The following EXOSC2 variants were observed in gnomAD, a reference collection of about 807,000 sequenced individuals.
EXOSC2 encodes the protein exosome complex component RRP4.
In EXOSC2, 29 loss-of-function variants were observed where a neutral mutation model predicts 37.6. The ratio of observed to expected loss-of-function variants is 0.77; its 90% CI spans 0.57 to 1.05. The LOEUF (loss-of-function observed/expected upper bound fraction) is 1.05. Among genes scored for constraint, EXOSC2 ranks in the 50% least tolerant of loss-of-function variants. The pLI is 0.00. For missense variants in EXOSC2, 346 were observed against 365.6 expected, an observed-to-expected ratio of 0.95 and a Z score of 0.44; for synonymous variants, 119 against 131.1, an observed-to-expected ratio of 0.91 and a Z score of 0.63.
rs192458769 is a variant in EXOSC2 at position 130,698,074 on chromosome 9, G to A, written c.271-88G>A. On this transcript the variant is annotated intron_variant, in intron 3 of 8. Coordinates refer to ENST00000372358, the MANE Select transcript of EXOSC2 (RefSeq NM_014285.7). This position sits in a 1 kb window ranked among gnomAD's most constrained non-coding sequence, Gnocchi z 4.1. ...CTCCCAAAGTGCTGGGATTACAGGC[G>A]TGAGCCACCACATCTGGCCTTACTG... 129 of 1,291,674 alleles carry A rather than the reference G, an allele frequency of 1.0e-4. No homozygotes were observed. Among genetic ancestry groups the A allele is most frequent in the African/African-American group, 2.2e-4 (15 of 68,868 alleles). The allele number at this position is 1,291,674 out of a possible 1,614,324, so 80.0% of individuals were successfully genotyped here.
intron 6 of EXOSC2, 189 bp from the exon 7 acceptor site, chr9:130,701,944 TG>T (rs1470929733): frequency 7.1e-7 from 1 of 1,405,180 alleles, no homozygotes; most frequent in Non-Finnish European, 9.2e-7. Flanking sequence ...TCTGCTGGGA[TG>T]TATGAATAGC....
At chr9:130,693,936 C>G (rs1831036727) in intron 1 of EXOSC2, 23 bp downstream of exon 1, 1 of 1,578,354 alleles carries the variant, frequency 6.3e-7, no homozygotes, top group Non-Finnish European at 8.7e-7. Context: ...TTGGGGGAGT[C>G]GAGGCTTCAG....
chr9:130,699,426 T>G (rs1302287860), intron 5 of EXOSC2, 32 bp downstream of exon 5: 2 of 1,602,992 alleles, frequency 1.2e-6, no homozygotes, highest in Non-Finnish European at 1.7e-6. Flanking sequence ...AGCCTCTTGA[T>G]GCTTTTCTGT....
At chr9:130,699,443 G>C in intron 5 of EXOSC2, 49 bp downstream of exon 5, 1 of 1,544,778 alleles carries the variant, frequency 6.5e-7, no homozygotes, top group Non-Finnish European at 9.0e-7. Context: ...CTGTGGGACT[G>C]GGAAATGGGC....
At chr9:130,701,664 C>G (rs932526434) in intron 6 of EXOSC2, 40 of 952,322 alleles carry the variant, frequency 4.2e-5, no homozygotes, top group Middle Eastern at 5.4e-4. Context: ...TGGACTTGAG[C>G]TGTCCTGCCA....
Position 130,698,142 on chromosome 9 carries a change from G to T in EXOSC2, c.271-20G>T. On this transcript the variant is annotated intron_variant, in intron 3 of 8. Transcript: ENST00000372358. The surrounding 1 kb of genome is among the most constrained non-coding windows in gnomAD (Gnocchi z 4.1). The stretch of plus-strand genomic sequence containing the variant: ...ACATGAACATGGAGCATGTGTCCAG[G>T]TGTGGAACTTGGCTTATAGGTTCAA... 6.2e-7 allele frequency: 1 copy of T among 1,608,284 alleles called. No individual in the cohort carries two copies. Among genetic ancestry groups the T allele is most frequent in the Non-Finnish European group, 8.5e-7 (1 of 1,174,738 alleles).
chr9:130,702,994 C>G lies in EXOSC2; in HGVS notation c.673-59C>G. The G allele has an allele frequency of 1.9e-6, 3 of 1,566,484 alleles. 1 individual carries two copies. Among genetic ancestry groups the G allele is most frequent in the Middle Eastern group, 1.7e-4 (1 of 5,906 alleles). On this transcript the variant is annotated intron_variant, in intron 7 of 8. Coordinates refer to ENST00000372358, the MANE Select transcript of EXOSC2 (RefSeq NM_014285.7). ...ATGATTTATTTGTGAATTTCTGTGGCTGGTCACGTATTTTGGTCCTGTTTG... is the reference window on the plus strand; with the variant it reads ...ATGATTTATTTGTGAATTTCTGTGGGTGGTCACGTATTTTGGTCCTGTTTG...
intron 5 of EXOSC2, among the ~76,000 whole-genome samples, chr9:130,700,171 C>T (rs1031656002): frequency 5.9e-5 from 9 of 151,438 alleles, no homozygotes; most frequent in Admixed American, 4.0e-4. Flanking sequence ...TACCGGCGTG[C>T]GTCATGCCTG....
At position 130,694,934 on chromosome 9, in the gene EXOSC2, C is replaced by T. The variant is rs1037862935; in HGVS notation, c.123-558C>T. Among the ~76,000 whole-genome samples, 2 of 151,608 alleles carry T rather than the reference C, an allele frequency of 1.3e-5. No homozygotes were observed. The highest frequency in any genetic ancestry group is 1.3e-4 in the Admixed American group (2 of 15,224). On this transcript the variant is annotated intron_variant, in intron 1 of 8. Transcript: ENST00000372358. This position sits in a 1 kb window ranked among gnomAD's most constrained non-coding sequence, Gnocchi z 4.0. ...CTGTGTTGGCCAGGCTGGTCTCGAT[C>T]CCCTGACCTCAAGTGTGATCTGCCC...
intron 2 of EXOSC2, among the ~76,000 whole-genome samples, chr9:130,696,273 G>T (rs566364987): frequency 6.6e-6 from 1 of 152,380 alleles, no homozygotes; most frequent in Non-Finnish European, 1.5e-5. Flanking sequence ...AGCCAGTGGG[G>T]TTGGAACAGA....
intron 5 of EXOSC2, chr9:130,699,708 A>G (rs893376145): frequency 3.5e-5 from 11 of 311,788 alleles, no homozygotes; most frequent in Admixed American, 1.8e-4. Flanking sequence ...TCACGTCAAG[A>G]TATTAATGAC....
At chr9:130,700,969 CTG>C in intron 6 of EXOSC2, 34 bp downstream of exon 6, 1 of 1,606,166 alleles carries the variant, frequency 6.2e-7, no homozygotes, top group Non-Finnish European at 8.5e-7. Context: ...TGTTTGCTGA[CTG>C]AGACTACAAG....
At position 130,704,548 on chromosome 9, in the gene EXOSC2, G is replaced by C. The variant is rs564235845; in HGVS notation, c.*774G>C. 1.3e-5 allele frequency: 2 copies of C among 151,830 alleles called. No homozygotes were observed. The highest frequency in any genetic ancestry group is 3.9e-4 in the East Asian group (2 of 5,156). The allele number at this position is 151,830 out of a possible 1,614,324, so 9.4% of individuals were successfully genotyped here. ...GTGTTTCAAAGAAAAAAAAAAACAA[G>C]CAGCCTTTTGCTTGGTTGGAATCTG... is the stretch of plus-strand genomic sequence containing the variant. On this transcript the variant is annotated 3_prime_UTR_variant, in exon 9 of 9. Coordinates refer to ENST00000372358, the MANE Select transcript of EXOSC2 (RefSeq NM_014285.7).
Position 130,697,991 on chromosome 9 carries a change from A to C in EXOSC2, c.271-171A>C, listed in dbSNP as rs1055705970. On this transcript the variant is annotated intron_variant, in intron 3 of 8. Transcript: ENST00000372358. Reference sequence around the variant, plus strand: ...GTATTTTTAGTAGAGATGGGGTTTCATTATATTGGTCAGGCTGGTCTCAAA... The same window carrying C: ...GTATTTTTAGTAGAGATGGGGTTTCCTTATATTGGTCAGGCTGGTCTCAAA... 2 of 599,142 alleles carry C rather than the reference A, an allele frequency of 3.3e-6. 1 individual carries two copies. The highest frequency in any genetic ancestry group is 5.8e-5 in the Admixed American group (2 of 34,324). The allele number at this position is 599,142 out of a possible 1,614,324, so 37.1% of individuals were successfully genotyped here. A position where few individuals can be genotyped will look rare whatever the true frequency, so the allele number is the denominator to read the frequency against.
At position 130,699,191 on chromosome 9, in the gene EXOSC2, G is replaced by T; in HGVS notation, c.361-138G>T. ...CACTGATTCCCCTCAAGTGGCTTGG[G>T]TTACCTACTCTTGCTATAGTTCTCA... On this transcript the variant is annotated intron_variant, in intron 4 of 8. Transcript: ENST00000372358. 3.5e-6 allele frequency: 3 copies of T among 846,950 alleles called. 1 individual carries two copies. In the Middle Eastern group the frequency reaches 6.9e-4, roughly 194 times the overall value. The allele number at this position is 846,950 out of a possible 1,614,324, so 52.5% of individuals were successfully genotyped here.
intron 6 of EXOSC2, 179 bp from the exon 7 acceptor site, chr9:130,701,955 C>A: frequency 7.1e-7 from 1 of 1,414,786 alleles, no homozygotes; most frequent in Non-Finnish European, 9.2e-7. Flanking sequence ...GTATGAATAG[C>A]CTCTGAGTCC....
rs575431604 is a variant in EXOSC2 at position 130,704,133 on chromosome 9, A to G, written c.*359A>G. On this transcript the variant is annotated 3_prime_UTR_variant, in exon 9 of 9. Coordinates refer to ENST00000372358, the MANE Select transcript of EXOSC2 (RefSeq NM_014285.7). ...CACAGTGCCCCATGAAATTGCCCCAATAGAAAACATGGCATCCCTGACCTC... is the reference window on the plus strand; with the variant it reads ...CACAGTGCCCCATGAAATTGCCCCAGTAGAAAACATGGCATCCCTGACCTC... The G allele has an allele frequency of 2.7e-4, 45 of 167,936 alleles. No individual in the cohort carries two copies. The Middle Eastern group carries it at 0.011, about 39-fold the overall frequency. The allele number at this position is 167,936 out of a possible 1,614,324, so 10.4% of individuals were successfully genotyped here. A position where few individuals can be genotyped will look rare whatever the true frequency, so the allele number is the denominator to read the frequency against.
Position 130,697,583 on chromosome 9 carries a change from T to C in EXOSC2, c.226T>C (p.Tyr76His). 1.2e-6 allele frequency: 2 copies of C among 1,614,094 alleles called. No homozygotes were observed. The highest frequency in any genetic ancestry group is 1.7e-6 in the Non-Finnish European group (2 of 1,179,914). The change falls in exon 3 of 9, where the codon TAC (tyrosine) becomes CAC (histidine). Residue 76 changes from tyrosine to histidine, a missense_variant and splice_region_variant. Coordinates refer to ENST00000372358, the MANE Select transcript of EXOSC2 (RefSeq NM_014285.7). Reference protein sequence around the residue: ...LICVKALKTRYIGEVGDIVVG... With the variant: ...LICVKALKTRHIGEVGDIVVG... ...AACCCCTTGTGTTTTGTCTTTCAGATACATTGGTGAAGTAGGAGACATCGT... is the reference window on the plus strand; with the variant it reads ...AACCCCTTGTGTTTTGTCTTTCAGACACATTGGTGAAGTAGGAGACATCGT...
In EXOSC2 at chr9:130,703,714, A is replaced by T; in HGVS notation, c.822A>T (p.Pro274=). 1 of 1,613,944 alleles carries T rather than the reference A, an allele frequency of 6.2e-7. No individual in the cohort carries two copies. ...LPHQIKDILK[P]EIMEEIVMET... is the part of the protein sequence containing the mutation. ...TTCAGATCAAAGACATCTTAAAGCCAGAAATAATGGAGGAGATTGTGATGG... is the reference window on the plus strand; with the variant it reads ...TTCAGATCAAAGACATCTTAAAGCCTGAAATAATGGAGGAGATTGTGATGG... The change falls in exon 9 of 9, where the codon CCA becomes CCT. Residue 274 remains proline, a synonymous_variant. Transcript: ENST00000372358.
Sources: allele counts gnomAD v4.1 joint callset (sites outside exome capture counted in the v4.1 genomes callset), GRCh38; gene constraint gnomAD v4.1.1; non-coding constraint Gnocchi (gnomAD v3.1); transcripts MANE v1.5; gene names NCBI Gene and HGNC (gene_info 2026-07-23, HGNC 2026-07-21).